Variants in TIMM23B observed in about 807,000 individuals in gnomAD.
The protein encoded by TIMM23B is mitochondrial import inner membrane translocase subunit Tim23B.
Under a neutral mutation model 27.3 loss-of-function variants are expected in TIMM23B, and 27 were observed. The ratio of observed to expected loss-of-function variants is 0.99; its 90% confidence interval spans 0.73 to 1.36. The LOEUF (loss-of-function observed/expected upper bound fraction) is 1.36, where lower values mean the gene tolerates loss of function less well. Among genes scored for constraint, TIMM23B ranks in the 40% most tolerant of loss-of-function variants. The pLI, the probability that TIMM23B is intolerant of heterozygous loss-of-function variation, is 0.00. For missense variants in TIMM23B, 205 were observed against 244.2 expected (o/e 0.84, Z 1.07); for synonymous variants, 73 against 92.4 (o/e 0.79, Z 1.21).
intron 2 of TIMM23B, among the ~76,000 whole-genome samples, chr10:49,947,570 C>T (rs1176772200): frequency 4.6e-5 from 7 of 151,930 alleles, no homozygotes; most frequent in Admixed American, 1.3e-4. Context: ...GATCGCACCA[C>T]CCGCACTTCA....
chr10:49,964,234 G>A (rs1554855037), intron 6 of TIMM23B, among the ~76,000 whole-genome samples: 1 of 146,618 alleles, frequency 6.8e-6, no homozygotes, highest in Non-Finnish European at 1.5e-5. Flanking sequence ...AATGAATACT[G>A]AAATGAAATA....
At chr10:49,962,455 C>T (rs1839953159) in intron 6 of TIMM23B, among the ~76,000 whole-genome samples, 2 of 152,192 alleles carry the variant, frequency 1.3e-5, no homozygotes, top group South Asian at 4.1e-4. Flanking sequence ...CCCACCTCAG[C>T]CTCCCAAAGT....
At chr10:49,957,967 T>TA (rs1839781027) in intron 5 of TIMM23B, among the ~76,000 whole-genome samples, 2 of 152,292 alleles carry the variant, frequency 1.3e-5, no homozygotes, top group South Asian at 4.1e-4. Flanking sequence ...ATGGGGGTCT[T>TA]ACAGCCTGCA....
intron 2 of TIMM23B, among the ~76,000 whole-genome samples, chr10:49,949,899 G>A (rs1465420931): frequency 2.0e-5 from 3 of 150,932 alleles, no homozygotes; most frequent in Non-Finnish European, 4.4e-5. Flanking sequence ...TGTCCAGGCT[G>A]GTCTGGAACT....
At chr10:49,957,064 C>G (rs1839748141) in intron 5 of TIMM23B, among the ~76,000 whole-genome samples, 1 of 150,506 alleles carries the variant, frequency 6.6e-6, no homozygotes, top group Non-Finnish European at 1.5e-5. Context: ...GCACTCTGTC[C>G]CACAAAACTG....
chr10:49,966,193 A>C (rs1214402157), intron 6 of TIMM23B, among the ~76,000 whole-genome samples: 3 of 146,654 alleles, frequency 2.0e-5, no homozygotes. Context: ...TAAATGAAAT[A>C]AAATGAAATG....
chr10:49,964,807 T>TAATGA (rs531005394), intron 6 of TIMM23B, among the ~76,000 whole-genome samples: 83 of 151,482 alleles, frequency 5.5e-4, no homozygotes, highest in African/African-American at 1.8e-3. Flanking sequence ...AATGAAGAAA[T>TAATGA]AATGAAATGA....
chr10:49,959,524 T>A (rs1310077672), intron 6 of TIMM23B, among the ~76,000 whole-genome samples: 3 of 152,236 alleles, frequency 2.0e-5, no homozygotes, highest in African/African-American at 7.2e-5. Flanking sequence ...GATACATCTT[T>A]GGCTACTTAA....
chr10:49,966,912 T>A (rs1460641774), intron 6 of TIMM23B, among the ~76,000 whole-genome samples: 2 of 151,762 alleles, frequency 1.3e-5, no homozygotes, highest in Admixed American at 6.6e-5. Context: ...TCTATTAAAA[T>A]AGCTCTGTAC....
chr10:49,964,778 G>T (rs1236703554), intron 6 of TIMM23B, among the ~76,000 whole-genome samples: 1 of 151,848 alleles, frequency 6.6e-6, no homozygotes, highest in Non-Finnish European at 1.5e-5. Flanking sequence ...ATAATGAAAT[G>T]CCGGGTGAAA....
chr10:49,953,643 G>A lies in TIMM23B; in HGVS notation c.344+1110G>A, dbSNP rs1839614512. Among the ~76,000 whole-genome samples, 3 of 152,276 alleles carry A rather than the reference G, an allele frequency of 2.0e-5. No individual in the cohort carries two copies. The South Asian group carries it at 6.2e-4, about 32-fold the overall frequency. On this transcript the variant is annotated intron_variant, in intron 4 of 6. Coordinates refer to ENST00000651259, the MANE Select transcript of TIMM23B (RefSeq NM_001290117.2). ...TTACAGACATGAGCCACTGCGCCTA[G>A]CTCTGTTAAGTTTTTTATATTCCTG... is the stretch of plus-strand genomic sequence containing the variant.
chr10:49,956,426 CGTGTGTGT>C (rs1173703740), intron 5 of TIMM23B, among the ~76,000 whole-genome samples: 2,000 of 113,936 alleles, frequency 0.018, 67 homozygotes, highest in African/African-American at 0.05. Flanking sequence ...ACTAGAAATA[CGTGTGTGT>C]GTGTGTGTGT....
chr10:49,946,085 G>A (rs1839348285), intron 2 of TIMM23B, among the ~76,000 whole-genome samples: 1 of 152,020 alleles, frequency 6.6e-6, no homozygotes, highest in African/African-American at 2.4e-5. Flanking sequence ...AGCTGCTTGA[G>A]AGGCTGAGGC....
chr10:49,959,809 C>T (rs1454771751), intron 6 of TIMM23B, among the ~76,000 whole-genome samples: 1 of 151,662 alleles, frequency 6.6e-6, no homozygotes, highest in Non-Finnish European at 1.5e-5. Context: ...AGTGCAGTGG[C>T]ATGATCTCGG....
At position 49,946,394 on chromosome 10, in the gene TIMM23B, G is replaced by A. The variant is rs1437722892; in HGVS notation, c.165+1304G>A. Among the ~76,000 whole-genome samples, 7 of 152,296 alleles carry A rather than the reference G, an allele frequency of 4.6e-5. 1 individual carries two copies. The highest frequency in any genetic ancestry group is 1.3e-4 in the Admixed American group (2 of 15,302). ...GTCAAGTACATTAAATGGCATTCAA[G>A]TTGAAAAAGAAGTTAAACTATCTGT... is the stretch of plus-strand genomic sequence containing the variant. On this transcript the variant is annotated intron_variant, in intron 2 of 6. Transcript: ENST00000651259.
chr10:49,967,790 A>G (rs1333175854), intron 6 of TIMM23B, among the ~76,000 whole-genome samples: 2 of 150,966 alleles, frequency 1.3e-5, no homozygotes, highest in African/African-American at 4.9e-5. Flanking sequence ...AAGAATACAT[A>G]TAATATGCCT....
intron 2 of TIMM23B, among the ~76,000 whole-genome samples, chr10:49,951,304 CTA>C (rs1185037916): frequency 1.2e-4 from 19 of 152,064 alleles, no homozygotes; most frequent in Admixed American, 1.1e-3. Flanking sequence ...ATGTAACACA[CTA>C]TGTGTCTTTT....
intron 6 of TIMM23B, among the ~76,000 whole-genome samples, chr10:49,960,437 C>T (rs1320934258): frequency 2.0e-5 from 3 of 151,214 alleles, no homozygotes; most frequent in African/African-American, 7.3e-5. Context: ...TACATATTGT[C>T]TGTTGACTTC....
At chr10:49,951,517 T>C (rs1463374514) in intron 2 of TIMM23B, among the ~76,000 whole-genome samples, 2 of 152,182 alleles carry the variant, frequency 1.3e-5, no homozygotes, top group African/African-American at 4.8e-5. Flanking sequence ...GTGTCATTTC[T>C]CAATCTTAGT....
Sources: allele counts gnomAD v4.1 joint callset (sites outside exome capture counted in the v4.1 genomes callset), GRCh38; gene constraint gnomAD v4.1.1; transcripts MANE v1.5; gene names NCBI Gene and HGNC (gene_info 2026-07-23, HGNC 2026-07-21).